Variants in INO80 observed in about 807,000 individuals in gnomAD.
The protein encoded by INO80 is INO80 complex ATPase subunit.
In INO80, 20 loss-of-function variants were observed where a neutral mutation model predicts 203.4. The ratio of observed to expected loss-of-function variants is 0.10; its 90% CI spans 0.07 to 0.14. INO80 has a LOEUF of 0.14. INO80 is among the 10% of genes least tolerant of loss of function. INO80 has a pLI of 1.00. For missense variants in INO80, 1,419 were observed against 1,914.4 expected, an observed-to-expected ratio of 0.74 and a Z score of 4.83; for synonymous variants, 726 against 685.2, an observed-to-expected ratio of 1.06 and a Z score of -0.93.
intron 15 of INO80, among the ~76,000 whole-genome samples, chr15:41,058,997 A>G (rs2045052209): frequency 6.6e-6 from 1 of 152,056 alleles, no homozygotes; most frequent in Admixed American, 6.6e-5. Flanking sequence ...CGTTACCCAG[A>G]CTAGAGTCCA....
intron 27 of INO80, among the ~76,000 whole-genome samples, chr15:41,008,661 T>C (rs568683312): frequency 1.3e-5 from 2 of 152,294 alleles, no homozygotes; most frequent in South Asian, 2.1e-4. Context: ...ATTATTCTGA[T>C]AGCCTATATC....
chr15:41,116,245 A>C lies in INO80; in HGVS notation c.-316T>G, dbSNP rs923601502. On this transcript the variant is annotated 5_prime_UTR_variant, in exon 1 of 36. Coordinates refer to ENST00000648947, the MANE Select transcript of INO80 (RefSeq NM_017553.3). ...TCACTGAGAGGAGCGGAGCAGGGACACGGGGAGCCATGGCGGGGGGGAGGA... is the reference window on the plus strand; with the variant it reads ...TCACTGAGAGGAGCGGAGCAGGGACCCGGGGAGCCATGGCGGGGGGGAGGA... The C allele has an allele frequency of 5.0e-6, 2 of 400,738 alleles. No individual in the cohort carries two copies. The highest frequency in any genetic ancestry group is 8.8e-6 in the Non-Finnish European group (2 of 228,008). 24.8% of individuals were successfully genotyped at this position (400,738 alleles called of 1,614,324 possible).
chr15:41,082,250 CAAAAAAAAAAAA>C (rs60486605), intron 7 of INO80, among the ~76,000 whole-genome samples: 1 of 54,692 alleles, frequency 1.8e-5, no homozygotes, highest in Non-Finnish European at 4.1e-5. Context: ...AACTCCGTCT[CAAAAAAAAAAAA>C]AAAAAAAAAG....
At chr15:41,097,680 G>A (rs1238229480) in intron 1 of INO80, among the ~76,000 whole-genome samples, 2 of 151,886 alleles carry the variant, frequency 1.3e-5, no homozygotes, top group Non-Finnish European at 2.9e-5. Context: ...CACCATGTTG[G>A]TCAGGCTGGT....
intron 5 of INO80, among the ~76,000 whole-genome samples, chr15:41,090,106 A>G (rs945630941): frequency 6.6e-6 from 1 of 152,200 alleles, no homozygotes; most frequent in African/African-American, 2.4e-5. Flanking sequence ...CAATGCATAT[A>G]TAAGATAAGG....
chr15:41,096,547 G>A (rs768247276), intron 1 of INO80, among the ~76,000 whole-genome samples, 194 bp from the exon 2 acceptor site: 2 of 151,996 alleles, frequency 1.3e-5, no homozygotes, highest in East Asian at 1.9e-4. Context: ...AAGTTAAAAG[G>A]ATATAAAGAA....
At chr15:41,108,502 G>C (rs1355004436) in intron 1 of INO80, among the ~76,000 whole-genome samples, 2 of 149,158 alleles carry the variant, frequency 1.3e-5, no homozygotes, top group Non-Finnish European at 3.0e-5. Flanking sequence ...TGAGGCAGGA[G>C]AATGGCATGA....
Position 41,053,327 on chromosome 15 carries a change from G to A in INO80, c.2274+602C>T, listed in dbSNP as rs548748464. ...TCACTGTGTTAGCCAGGATGGTCTCGATTTCCTGACCTCATGATCCGCCCA... is the reference window on the plus strand; with the variant it reads ...TCACTGTGTTAGCCAGGATGGTCTCAATTTCCTGACCTCATGATCCGCCCA... On this transcript the variant is annotated intron_variant, in intron 19 of 35. Transcript: ENST00000648947. Among the ~76,000 whole-genome samples the A allele has an allele frequency of 3.3e-5, 5 of 152,124 alleles. No homozygotes were observed. The East Asian group carries it at 5.8e-4, about 18-fold the overall frequency.
intron 29 of INO80, among the ~76,000 whole-genome samples, chr15:40,994,713 T>G (rs2043858477): frequency 6.6e-6 from 1 of 152,174 alleles, no homozygotes; most frequent in Non-Finnish European, 1.5e-5. Flanking sequence ...TCTCCTCTCC[T>G]GCCACTGGAA....
chr15:40,982,761 G>A, intron 35 of INO80, 101 bp downstream of exon 35: 2 of 951,402 alleles, frequency 2.1e-6, no homozygotes, highest in Non-Finnish European at 3.2e-6. Flanking sequence ...TAGGAAGAAA[G>A]CTCCCGGCTT....
chr15:41,031,265 T>C (rs2140487274), intron 24 of INO80, among the ~76,000 whole-genome samples: 1 of 152,010 alleles, frequency 6.6e-6, no homozygotes, highest in Admixed American at 6.6e-5. Context: ...CATGAACTGC[T>C]AGACATTGCT....
intron 29 of INO80, among the ~76,000 whole-genome samples, chr15:40,992,835 C>CA (rs1406391570): frequency 6.6e-6 from 1 of 152,196 alleles, no homozygotes; most frequent in Non-Finnish European, 1.5e-5. Context: ...CTGTGTTGCC[C>CA]ATGTTGGAGT....
intron 1 of INO80, among the ~76,000 whole-genome samples, chr15:41,111,675 C>T (rs1011971629): frequency 5.3e-5 from 8 of 150,246 alleles, no homozygotes; most frequent in African/African-American, 7.4e-5. Context: ...TGGTGGTGCA[C>T]GCCTGTAATC....
chr15:41,099,158 T>C (rs1286304968), intron 1 of INO80, among the ~76,000 whole-genome samples: 2 of 145,498 alleles, frequency 1.4e-5, no homozygotes, highest in Non-Finnish European at 3.0e-5. Context: ...GGTGAGAGGA[T>C]TGCTTAAGCC....
chr15:41,090,216 G>A (rs1237678509), intron 5 of INO80, among the ~76,000 whole-genome samples: 6 of 152,200 alleles, frequency 3.9e-5, no homozygotes, highest in Admixed American at 3.9e-4. Context: ...GAGAGAAGCT[G>A]GACACAGGCA....
chr15:41,076,518 G>C (rs556680945), intron 9 of INO80, among the ~76,000 whole-genome samples: 1 of 150,666 alleles, frequency 6.6e-6, no homozygotes, highest in African/African-American at 2.4e-5. Flanking sequence ...CTTTCAGGTG[G>C]ACTGCTTGAT....
At chr15:41,086,997 T>C (rs931318302) in intron 6 of INO80, among the ~76,000 whole-genome samples, 1 of 152,210 alleles carries the variant, frequency 6.6e-6, no homozygotes, top group Non-Finnish European at 1.5e-5. Flanking sequence ...CCTAAACCTT[T>C]AGCTAGGAAT....
At position 41,071,831 on chromosome 15, in the gene INO80, C is replaced by G. The variant is rs748516596; in HGVS notation, c.1605+18G>C. ...GAAAAGAGATAATAGAAGAGAATGACACGGTTCTAAAATTCACCTGTTCAT... is the reference window on the plus strand; with the variant it reads ...GAAAAGAGATAATAGAAGAGAATGAGACGGTTCTAAAATTCACCTGTTCAT... On this transcript the variant is annotated intron_variant, in intron 12 of 35. Transcript: ENST00000648947. 3 of 1,572,362 alleles carry G rather than the reference C, an allele frequency of 1.9e-6. No homozygotes were observed. Among genetic ancestry groups the G allele is most frequent in the Non-Finnish European group, 2.6e-6 (3 of 1,142,768 alleles).
intron 29 of INO80, among the ~76,000 whole-genome samples, chr15:40,989,154 G>C (rs1333457056): frequency 6.6e-6 from 1 of 152,222 alleles, no homozygotes; most frequent in South Asian, 2.1e-4. Context: ...ACTCCAGCCT[G>C]GGCAACAAGA....
Sources: allele counts gnomAD v4.1 joint callset (sites outside exome capture counted in the v4.1 genomes callset), GRCh38; gene constraint gnomAD v4.1.1; transcripts MANE v1.5; gene names NCBI Gene and HGNC (gene_info 2026-07-23, HGNC 2026-07-21).